FNIP1: variants seen among roughly 807,000 people sequenced by gnomAD.
FNIP1 encodes folliculin-interacting protein 1.
In FNIP1, 40 loss-of-function variants were observed where a neutral mutation model predicts 124.5. That is an observed-to-expected ratio of 0.32 (90% confidence interval 0.25 to 0.42). The LOEUF is 0.42. FNIP1 is among the 10% of genes least tolerant of loss of function. FNIP1 has a pLI of 1.00. For missense variants in FNIP1, 1,176 were observed against 1,403.7 expected, an observed-to-expected ratio of 0.84 and a Z score of 2.59; for synonymous variants, 472 against 470.6, an observed-to-expected ratio of 1.00 and a Z score of -0.04.
intron 11 of FNIP1, among the ~76,000 whole-genome samples, chr5:131,689,204 A>G (rs545553986): frequency 7.4e-4 from 113 of 152,110 alleles, no homozygotes; most frequent in South Asian, 6.2e-3. Flanking sequence ...AAGAAAAACA[A>G]TAACCTAGAA....
At chr5:131,754,630 C>T (rs1290790671) in intron 1 of FNIP1, among the ~76,000 whole-genome samples, 2 of 152,210 alleles carry the variant, frequency 1.3e-5, no homozygotes, top group African/African-American at 4.8e-5. Context: ...TTCTTAGTGA[C>T]CCTAGCTCAG....
intron 9 of FNIP1, among the ~76,000 whole-genome samples, chr5:131,705,027 A>T (rs1769047459): frequency 6.6e-6 from 1 of 152,192 alleles, no homozygotes; most frequent in Non-Finnish European, 1.5e-5. Context: ...AAATTTACAA[A>T]TCATATATCT....
At chr5:131,784,311 A>G (rs1213328411) in intron 1 of FNIP1, among the ~76,000 whole-genome samples, 3 of 152,236 alleles carry the variant, frequency 2.0e-5, no homozygotes, top group African/African-American at 7.2e-5. Flanking sequence ...AATTACCTTC[A>G]AAAGGAAAGA....
At chr5:131,655,326 T>C (rs1767159765) in intron 15 of FNIP1, among the ~76,000 whole-genome samples, 3 of 152,238 alleles carry the variant, frequency 2.0e-5, no homozygotes, top group South Asian at 4.1e-4. Context: ...CTGAGCAACA[T>C]AGTAAGACCC....
chr5:131,792,673 TCTGA>T (rs915640751), intron 1 of FNIP1, among the ~76,000 whole-genome samples: 1 of 152,222 alleles, frequency 6.6e-6, no homozygotes, highest in Admixed American at 6.5e-5. Flanking sequence ...AAACTTCACA[TCTGA>T]CTTCATGTGA....
intron 1 of FNIP1, among the ~76,000 whole-genome samples, chr5:131,790,046 CT>C (rs1474740568): frequency 5.9e-5 from 9 of 152,224 alleles, no homozygotes; most frequent in Non-Finnish European, 1.2e-4. Flanking sequence ...CAAAACAGAA[CT>C]TTTGACCCTC....
chr5:131,725,532 T>C (rs1769831218), intron 3 of FNIP1, among the ~76,000 whole-genome samples: 1 of 152,228 alleles, frequency 6.6e-6, no homozygotes, highest in Non-Finnish European at 1.5e-5. Flanking sequence ...CTTGTGATTT[T>C]TGCACATTGA....
At chr5:131,720,703 A>T (rs1460390242) in intron 3 of FNIP1, among the ~76,000 whole-genome samples, 3 of 152,206 alleles carry the variant, frequency 2.0e-5, no homozygotes, top group Non-Finnish European at 4.4e-5. Context: ...TCTTGAATAA[A>T]CATTTCTCCA....
At position 131,711,943 on chromosome 5, in the gene FNIP1, A is replaced by G. The variant is rs145299895; in HGVS notation, c.623-1282T>C. ...TCTTTCCCTCGTTACTTTAAAAATT[A>G]TCTACTTCTTCAAACTCCTTCCCTA... On this transcript the variant is annotated intron_variant, in intron 6 of 17. Transcript: ENST00000510461. 2.2e-4 allele frequency among the ~76,000 whole-genome samples: 34 copies of G among 152,284 alleles called. No individual in the cohort carries two copies. The East Asian group carries it at 6.4e-3, about 29-fold the overall frequency.
intron 15 of FNIP1, among the ~76,000 whole-genome samples, chr5:131,662,900 T>G (rs1030694863): frequency 1.3e-5 from 2 of 152,052 alleles, no homozygotes; most frequent in African/African-American, 4.8e-5. Context: ...CCATTGTGCC[T>G]GATGGCTACT....
At chr5:131,737,055 C>T (rs956699935) in intron 2 of FNIP1, among the ~76,000 whole-genome samples, 10 of 152,112 alleles carry the variant, frequency 6.6e-5, no homozygotes, top group South Asian at 2.1e-4. Flanking sequence ...TTGCATAATT[C>T]GAAGGTATTT....
chr5:131,781,327 A>T (rs775839855), intron 1 of FNIP1, among the ~76,000 whole-genome samples: 5 of 152,262 alleles, frequency 3.3e-5, no homozygotes, highest in Non-Finnish European at 7.3e-5. Context: ...GCTACACTAA[A>T]TAACAGATTA....
At chr5:131,659,871 C>G (rs1767365814) in intron 15 of FNIP1, among the ~76,000 whole-genome samples, 2 of 152,216 alleles carry the variant, frequency 1.3e-5, no homozygotes, top group African/African-American at 4.8e-5. Flanking sequence ...AGATCTTCTC[C>G]ATGTCATCCC....
At chr5:131,734,259 A>G (rs1561680485) in intron 2 of FNIP1, among the ~76,000 whole-genome samples, 1 of 151,874 alleles carries the variant, frequency 6.6e-6, no homozygotes, top group African/African-American at 2.4e-5. Flanking sequence ...AATTTTGTTG[A>G]TCTTTTCAAA....
Position 131,672,821 on chromosome 5 carries a change from A to G in FNIP1, c.1623T>C (p.Tyr541=). The change falls in exon 14 of 18, where the codon TAT becomes TAC. Residue 541 remains tyrosine, a synonymous_variant. Transcript: ENST00000510461. ...CTTGAAGTTCAGAGCATCTTATAAAATAAGTAAGAAAATAAAGTAGCCTCT... is the reference window on the plus strand; with the variant it reads ...CTTGAAGTTCAGAGCATCTTATAAAGTAAGTAAGAAAATAAAGTAGCCTCT... ...MVQRLLYFLT[Y]FIRCSELQET... 3 of 1,613,194 alleles carry G rather than the reference A, an allele frequency of 1.9e-6. No individual in the cohort carries two copies. Among genetic ancestry groups the G allele is most frequent in the Non-Finnish European group, 2.5e-6 (3 of 1,179,756 alleles).
chr5:131,724,192 T>C (rs1769775817), intron 3 of FNIP1, among the ~76,000 whole-genome samples: 1 of 152,176 alleles, frequency 6.6e-6, no homozygotes, highest in East Asian at 1.9e-4. Flanking sequence ...GTCTTTATAC[T>C]AGAATGATTT....
intron 1 of FNIP1, among the ~76,000 whole-genome samples, chr5:131,776,503 C>T (rs1771812197): frequency 6.6e-6 from 1 of 152,114 alleles, no homozygotes; most frequent in Admixed American, 6.6e-5. Flanking sequence ...AACAATACTC[C>T]ATCAATAGAC....
At chr5:131,728,188 G>A (rs1047805663) in intron 3 of FNIP1, among the ~76,000 whole-genome samples, 7 of 152,142 alleles carry the variant, frequency 4.6e-5, no homozygotes, top group African/African-American at 1.7e-4. Flanking sequence ...TATCTTTGTT[G>A]TGTTCTCTGT....
At position 131,692,787 on chromosome 5, in the gene FNIP1, C is replaced by A. The variant is rs574560787; in HGVS notation, c.1202+6130G>T. Among the ~76,000 whole-genome samples the A allele has an allele frequency of 9.2e-5, 14 of 152,068 alleles. 1 individual carries two copies. In the East Asian group the frequency reaches 2.7e-3, roughly 30 times the overall value. On this transcript the variant is annotated intron_variant, in intron 11 of 17. Coordinates refer to ENST00000510461, the MANE Select transcript of FNIP1 (RefSeq NM_133372.3). ...CTCTGGGAGGCCAAGGTGGGCAGATCGCTTGAGGCCAGGAGTTTGAGACCA... is the reference window on the plus strand; with the variant it reads ...CTCTGGGAGGCCAAGGTGGGCAGATAGCTTGAGGCCAGGAGTTTGAGACCA...
Sources: allele counts gnomAD v4.1 joint callset (sites outside exome capture counted in the v4.1 genomes callset), GRCh38; gene constraint gnomAD v4.1.1; transcripts MANE v1.5; gene names NCBI Gene and HGNC (gene_info 2026-07-23, HGNC 2026-07-21).